Variants in NSFL1C observed in about 807,000 individuals in gnomAD.
The protein encoded by NSFL1C is NSFL1 cofactor.
In NSFL1C, 14 loss-of-function variants were observed where a neutral mutation model predicts 43.1. That is an observed-to-expected ratio of 0.32 (90% CI 0.21 to 0.51). The LOEUF (loss-of-function observed/expected upper bound fraction) is 0.51, where lower values mean the gene tolerates loss of function less well. NSFL1C is among the 20% of genes least tolerant of loss of function. NSFL1C has a pLI of 0.98. For synonymous variants in NSFL1C, 171 were observed against 183.5 expected, an observed-to-expected ratio of 0.93 and a Z score of 0.55; for missense variants, 406 against 472.5, an observed-to-expected ratio of 0.86 and a Z score of 1.30.
chr20:1,458,563 T>C (rs960306117), intron 2 of NSFL1C, among the ~76,000 whole-genome samples: 2 of 152,134 alleles, frequency 1.3e-5, no homozygotes, highest in African/African-American at 2.4e-5. Flanking sequence ...TATTTATTAA[T>C]ATTTAGGAAA....
In NSFL1C at chr20:1,443,294, G is replaced by A. The variant is rs531127697; in HGVS notation, c.*455C>T. 6.4e-6 allele frequency: 1 copy of A among 155,676 alleles called. No individual in the cohort carries two copies. Among genetic ancestry groups the A allele is most frequent in the South Asian group, 2.0e-4 (1 of 5,110 alleles). 9.6% of individuals were successfully genotyped at this position (155,676 alleles called of 1,614,324 possible). A position where few individuals can be genotyped will look rare whatever the true frequency, so the allele number is the denominator to read the frequency against. On this transcript the variant is annotated 3_prime_UTR_variant, in exon 9 of 9. Transcript: ENST00000216879. The stretch of plus-strand genomic sequence containing the variant: ...TCTCGTGGGAACAAGTGGTGGCGAA[G>A]CCTCTTTCTACACATTTCCCCTCCT...
intron 2 of NSFL1C, among the ~76,000 whole-genome samples, chr20:1,461,009 G>T (rs1038316096): frequency 2.0e-5 from 3 of 152,154 alleles, no homozygotes; most frequent in Non-Finnish European, 4.4e-5. Context: ...TGAATCTGTG[G>T]TAACAGCAGC....
In NSFL1C at chr20:1,442,520, C is replaced by A. The variant is rs2122774970; in HGVS notation, c.*1229G>T. On this transcript the variant is annotated 3_prime_UTR_variant, in exon 9 of 9. Transcript: ENST00000216879. ...CAAACCAGGAGATCCTGAGTCAGCA[C>A]TGATTCTGTCTCTGGTTTGTTTAAT... 1 of 152,318 alleles carries A rather than the reference C, an allele frequency of 6.6e-6. No individual in the cohort carries two copies. Among genetic ancestry groups the A allele is most frequent in the South Asian group, 2.1e-4 (1 of 4,828 alleles). 9.4% of individuals were successfully genotyped at this position (152,318 alleles called of 1,614,324 possible). A position where few individuals can be genotyped will look rare whatever the true frequency, so the allele number is the denominator to read the frequency against.
intron 7 of NSFL1C, among the ~76,000 whole-genome samples, chr20:1,447,264 G>A (rs892065278): frequency 6.6e-6 from 1 of 152,130 alleles, no homozygotes; most frequent in Non-Finnish European, 1.5e-5. Context: ...GGCCACAAGA[G>A]TTGATTGGAA....
rs139550416 is a variant in NSFL1C, at chr20:1,458,265, T to C, written c.213A>G (p.Arg71=). Residue 71 remains arginine (R), a synonymous_variant, in exon 3 of 9, where the codon AGA becomes AGG. Coordinates refer to ENST00000216879, the MANE Select transcript of NSFL1C (RefSeq NM_016143.5). ...GAATGAGGTCTCTGAAGGATGTCAC[T>C]CTATTATCACTGGAGACACAGAAAG... The part of the protein sequence containing the change: ...VSRGTAPSDN[R]VTSFRDLIHD... The C allele has an allele frequency of 3.3e-5, 53 of 1,613,450 alleles. No individual in the cohort carries two copies. The highest frequency in any genetic ancestry group is 4.2e-5 in the Non-Finnish European group (49 of 1,179,572).
rs760976845 is a variant in NSFL1C at position 1,464,467 on chromosome 20, C to T, written c.106-41G>A. ...AGTACCTTGGGACCCTTAAACAGGCCTTCACCTAACGCACATCTCCTTTGA... is the reference window on the plus strand; with the variant it reads ...AGTACCTTGGGACCCTTAAACAGGCTTTCACCTAACGCACATCTCCTTTGA... On this transcript the variant is annotated intron_variant, in intron 1 of 8. Transcript: ENST00000216879. The T allele has an allele frequency of 4.0e-6, 6 of 1,498,866 alleles. No individual in the cohort carries two copies. The East Asian group carries it at 1.4e-4, about 34-fold the overall frequency. The allele number at this position is 1,498,866 out of a possible 1,614,324, so 92.8% of individuals were successfully genotyped here.
intron 8 of NSFL1C, 92 bp downstream of exon 8, chr20:1,445,574 T>A: frequency 7.0e-7 from 1 of 1,429,954 alleles, no homozygotes; most frequent in South Asian, 1.3e-5. Context: ...CTGCTGGTAT[T>A]TAGGAGGAAG....
chr20:1,459,662 C>A (rs2122934259), intron 2 of NSFL1C, among the ~76,000 whole-genome samples: 1 of 152,238 alleles, frequency 6.6e-6, no homozygotes, highest in Non-Finnish European at 1.5e-5. Context: ...AGACAAAAAC[C>A]AATCAATGTA....
chr20:1,464,139 C>G, intron 2 of NSFL1C, 190 bp downstream of exon 2: 1 of 544,082 alleles, frequency 1.8e-6, no homozygotes, highest in South Asian at 2.8e-5. Flanking sequence ...ATAAACCACA[C>G]CCAGTTAAAA....
At chr20:1,448,462 C>T (rs1370603348) in intron 7 of NSFL1C, among the ~76,000 whole-genome samples, 1 of 152,198 alleles carries the variant, frequency 6.6e-6, no homozygotes, top group African/African-American at 2.4e-5. Context: ...GAAGCAGCTG[C>T]TGTTTGGGTT....
At chr20:1,465,016 C>T (rs1473458114) in intron 1 of NSFL1C, among the ~76,000 whole-genome samples, 3 of 152,148 alleles carry the variant, frequency 2.0e-5, no homozygotes, top group Non-Finnish European at 4.4e-5. Context: ...GTTTCCTAAT[C>T]TGTGAAATGG....
chr20:1,451,532 G>A (rs568560002), intron 7 of NSFL1C, among the ~76,000 whole-genome samples: 2 of 152,304 alleles, frequency 1.3e-5, no homozygotes, highest in African/African-American at 4.8e-5. Flanking sequence ...CCAAGGAAAG[G>A]CCCCTAATAT....
At position 1,464,378 on chromosome 20, in the gene NSFL1C, T is replaced by A; in HGVS notation, c.154A>T (p.Thr52Ser). The change falls in exon 2 of 9, where the codon ACC (threonine) becomes TCC (serine). Residue 52 changes from threonine (T) to serine (S), a missense_variant. Coordinates refer to ENST00000216879, the MANE Select transcript of NSFL1C (RefSeq NM_016143.5). ...GAACTGGGGGTTGCCTGCGAAATGGTCACAATGTCTTCATCCCCTCCGTCC... is the reference window on the plus strand; with the variant it reads ...GAACTGGGGGTTGCCTGCGAAATGGACACAATGTCTTCATCCCCTCCGTCC... ...YEDGGDEDIV[T>S]ISQATPSSVS... 1.2e-6 allele frequency: 2 copies of A among 1,614,250 alleles called. No individual in the cohort carries two copies. The highest frequency in any genetic ancestry group is 1.7e-6 in the Non-Finnish European group (2 of 1,180,034).
At chr20:1,452,228 T>C (rs1035832114) in intron 7 of NSFL1C, among the ~76,000 whole-genome samples, 25 of 152,236 alleles carry the variant, frequency 1.6e-4, no homozygotes, top group African/African-American at 5.8e-4. Flanking sequence ...CTAGGAGGTA[T>C]GGACTCTTAT....
Position 1,466,817 on chromosome 20 carries a change from G to C in NSFL1C, c.8C>G (p.Ala3Gly). Reference sequence around the variant, plus strand: ...CTCCCTCAGCGCCTCCTGTCGCTCCGCCGCCATCTTCGCCCCGTGCGCCTT... The same window carrying C: ...CTCCCTCAGCGCCTCCTGTCGCTCCCCCGCCATCTTCGCCCCGTGCGCCTT... Reference protein sequence around the residue: MAAERQEALREFV... With the variant: MAGERQEALREFV... The change falls in exon 1 of 9, where the codon GCG (alanine) becomes GGG (glycine). Residue 3 changes from alanine to glycine, a missense_variant. By Grantham distance (60) the Ala-to-Gly change is moderately conservative (BLOSUM62 0). Around this residue, in one of 3 missense-constraint regions of NSFL1C, gnomAD observed 203 missense variants for 216.3 expected, o/e 0.94. Transcript: ENST00000216879. 6.5e-7 allele frequency: 1 copy of C among 1,541,824 alleles called. No homozygotes were observed.
At chr20:1,464,244 C>A in intron 2 of NSFL1C, 85 bp downstream of exon 2, 1 of 1,173,036 alleles carries the variant, frequency 8.5e-7, no homozygotes, top group African/African-American at 1.5e-5. Context: ...GGTCCACACA[C>A]CCAGGCCTGA....
chr20:1,461,109 G>A (rs2090401926), intron 2 of NSFL1C, among the ~76,000 whole-genome samples: 1 of 152,228 alleles, frequency 6.6e-6, no homozygotes, highest in South Asian at 2.1e-4. Flanking sequence ...AACAGTATCA[G>A]AAGAGAACAC....
chr20:1,458,945 T>C (rs924821848), intron 2 of NSFL1C, among the ~76,000 whole-genome samples: 2 of 152,216 alleles, frequency 1.3e-5, no homozygotes, highest in Admixed American at 6.5e-5. Flanking sequence ...TTGTATGGGA[T>C]GGGCACAACT....
At chr20:1,444,616 TA>T (rs1452403047) in intron 8 of NSFL1C, among the ~76,000 whole-genome samples, 1 of 152,202 alleles carries the variant, frequency 6.6e-6, no homozygotes, top group African/African-American at 2.4e-5. Flanking sequence ...CCCAAACCCC[TA>T]AAATCTATGC....
Sources: gnomAD v4.1 joint callset for allele counts (sites outside exome capture counted in the v4.1 genomes callset) on GRCh38, gnomAD v4.1.1 for gene constraint, gnomAD v4.1.1 regional missense constraint, MANE v1.5 for transcripts, NCBI Gene and HGNC (gene_info 2026-07-23, HGNC 2026-07-21) for gene names.